ANAPC1: variants seen among roughly 807,000 people sequenced by gnomAD.
ANAPC1 encodes anaphase-promoting complex subunit 1.
ANAPC1 carries 36 observed loss-of-function variants against 208.0 expected under a neutral mutation model. The ratio of observed to expected loss-of-function variants is 0.17; its 90% CI spans 0.13 to 0.23. The LOEUF (loss-of-function observed/expected upper bound fraction) is 0.23, where lower values mean the gene tolerates loss of function less well. ANAPC1 is among the 10% of genes least tolerant of loss of function. The pLI is 1.00. For synonymous variants in ANAPC1, 378 were observed against 695.2 expected, an observed-to-expected ratio of 0.54 and a Z score of 7.18; for missense variants, 942 against 2,011.6, an observed-to-expected ratio of 0.47 and a Z score of 10.17.
At chr2:111,793,352 AGTT>A (rs1223509248) in intron 37 of ANAPC1, among the ~76,000 whole-genome samples, 2 of 150,350 alleles carry the variant, frequency 1.3e-5, no homozygotes, top group African/African-American at 4.9e-5. Context: ...CAGCCTCCCA[AGTT>A]GCTGGGACTA....
chr2:111,866,851 T>C (rs1282087193), intron 7 of ANAPC1, among the ~76,000 whole-genome samples: 2 of 148,764 alleles, frequency 1.3e-5, no homozygotes, highest in Non-Finnish European at 3.0e-5. Context: ...GGCTCTAGTA[T>C]GTTTATTCGG....
intron 17 of ANAPC1, among the ~76,000 whole-genome samples, chr2:111,841,570 G>A (rs1474668442): frequency 1.3e-5 from 2 of 152,064 alleles, no homozygotes; most frequent in Non-Finnish European, 2.9e-5. Context: ...CAGAGCTGAG[G>A]CCAATGTGGC....
Position 111,776,642 on chromosome 2 carries a change from AAATATT to A in ANAPC1, c.5584+211_5584+216del, listed in dbSNP as rs1362760415. 2.8e-5 allele frequency among the ~76,000 whole-genome samples: 2 copies of A among 70,624 alleles called. 1 individual carries two copies. The highest frequency in any genetic ancestry group is 5.9e-5 in the Non-Finnish European group (2 of 33,650). 46.3% of individuals were successfully genotyped at this position (70,624 alleles called of 152,430 possible). ...CACCAAGTGGTATTTAAAATGCTAT[AAATATT>A]ATCTGCCTGGGTCAGATGTATTTTA... is the stretch of plus-strand genomic sequence containing the variant. On this transcript the variant is annotated intron_variant, in intron 46 of 47. Transcript: ENST00000341068.
chr2:111,865,571 T>C (rs1182463462), intron 7 of ANAPC1, among the ~76,000 whole-genome samples: 1 of 152,226 alleles, frequency 6.6e-6, no homozygotes, highest in African/African-American at 2.4e-5. Context: ...ACTTTATAAA[T>C]AAAAATCATG....
intron 45 of ANAPC1, among the ~76,000 whole-genome samples, chr2:111,777,688 AT>A (rs1677063568): frequency 6.6e-6 from 1 of 151,608 alleles, no homozygotes; most frequent in Admixed American, 6.6e-5. Flanking sequence ...AAAAGGGTGG[AT>A]TCCAGACAAT....
At position 111,873,661 on chromosome 2, in the gene ANAPC1, A is replaced by G. The variant is rs2311823; in HGVS notation, c.379T>C (p.Leu127=). The G allele has an allele frequency of 6.3e-7, 1 of 1,587,352 alleles. No individual in the cohort carries two copies. Among genetic ancestry groups the G allele is most frequent in the Admixed American group, 1.9e-5 (1 of 52,066 alleles). ...FTVDSPVQQA[L]WCDFIISQDK... is the part of the protein sequence containing the mutation. ...TGTGATATAATGAAGTCACACCACAATGCCTAAAATCAAAACAAAATGCTT... is the reference window on the plus strand; with the variant it reads ...TGTGATATAATGAAGTCACACCACAGTGCCTAAAATCAAAACAAAATGCTT... The change falls in exon 4 of 48, where the codon TTG becomes CTG. Residue 127 remains leucine (L), a synonymous_variant. Transcript: ENST00000341068.
Position 111,864,939 on chromosome 2 carries a change from G to A in ANAPC1, c.698C>T (p.Ser233Leu). Residue 233 changes from serine to leucine, a missense_variant, in exon 8 of 48, where the codon TCA (serine) becomes TTA (leucine). Ser to Leu is a moderately radical substitution (Grantham distance 145, BLOSUM62 -2). Coordinates refer to ENST00000341068, the MANE Select transcript of ANAPC1 (RefSeq NM_022662.4). Reference sequence around the variant, plus strand: ...ATCTACAACATATTGCACCCGTGATGAACCAAAAAGACCTTAAAAATAAAA... The same window carrying A: ...ATCTACAACATATTGCACCCGTGATAAACCAAAAAGACCTTAAAAATAAAA... ...LVCKSGSLFG[S>L]SRVQYVVDHA... 6.2e-7 allele frequency: 1 copy of A among 1,609,140 alleles called. No homozygotes were observed.
At position 111,858,306 on chromosome 2, in the gene ANAPC1, C is replaced by T. The variant is rs753241990; in HGVS notation, c.1358G>A (p.Arg453His). 6.2e-7 allele frequency: 1 copy of T among 1,610,212 alleles called. No homozygotes were observed. Among genetic ancestry groups the T allele is most frequent in the Non-Finnish European group, 8.5e-7 (1 of 1,177,004 alleles). The change falls in exon 11 of 48, where the codon CGC becomes CAC. Residue 453 changes from arginine (R) to histidine (H), a missense_variant and splice_region_variant. Arg to His is a conservative substitution (Grantham distance 29). Coordinates refer to ENST00000341068, the MANE Select transcript of ANAPC1 (RefSeq NM_022662.4). ...AACAATGGGAAAGACATACACCTAC[C>T]GTAACTGGAGCTGGGACTCTACTAA... ...CFLVESQLQL[R>H]CVKFQESNDK... is the part of the protein sequence containing the mutation.
At chr2:111,878,184 T>A (rs760108468) in intron 3 of ANAPC1, among the ~76,000 whole-genome samples, 3 of 152,266 alleles carry the variant, frequency 2.0e-5, no homozygotes, top group Non-Finnish European at 4.4e-5. Context: ...ACAATCCTTG[T>A]TGGAATCAAT....
chr2:111,789,033 A>G (rs1428533038), intron 38 of ANAPC1, among the ~76,000 whole-genome samples: 4 of 152,236 alleles, frequency 2.6e-5, no homozygotes, highest in Non-Finnish European at 4.4e-5. Context: ...AGCTACTTGG[A>G]AGGCTGAGGC....
chr2:111,845,049 T>C (rs1197765919), intron 16 of ANAPC1, among the ~76,000 whole-genome samples: 2 of 152,204 alleles, frequency 1.3e-5, no homozygotes, highest in African/African-American at 4.8e-5. Flanking sequence ...AGTCTCACTA[T>C]GTTGTCCAAG....
chr2:111,793,946 T>A, intron 37 of ANAPC1, 132 bp downstream of exon 37: 1 of 546,772 alleles, frequency 1.8e-6, no homozygotes. Context: ...GATGAGCTAA[T>A]GGTTCTTCAG....
chr2:111,848,986 A>G (rs981120417), intron 14 of ANAPC1, among the ~76,000 whole-genome samples: 3 of 152,272 alleles, frequency 2.0e-5, no homozygotes, highest in Non-Finnish European at 2.9e-5. Flanking sequence ...CTTAGTTACT[A>G]TCTACATGCA....
At position 111,844,844 on chromosome 2, in the gene ANAPC1, C is replaced by A. The variant is rs146341587; in HGVS notation, c.1853-1245G>T. Among the ~76,000 whole-genome samples the A allele has an allele frequency of 2.7e-3, 415 of 152,162 alleles. 11 individuals are homozygous for A. In the East Asian group the frequency reaches 0.057, roughly 21 times the overall value. ...AAGAGTTAATACCACATAATTTACA[C>A]CATTCTTTTTTTGGTAAGGGGAAAC... On this transcript the variant is annotated intron_variant, in intron 16 of 47. Transcript: ENST00000341068.
At chr2:111,828,256 T>C (rs1679943046) in intron 21 of ANAPC1, among the ~76,000 whole-genome samples, 1 of 152,116 alleles carries the variant, frequency 6.6e-6, no homozygotes, top group Non-Finnish European at 1.5e-5. Context: ...GGCTATAATT[T>C]TTAAAAAAAC....
rs1300339961 is a variant in ANAPC1 at position 111,863,480 on chromosome 2, C to T, written c.1052+195G>A. Among the ~76,000 whole-genome samples the T allele has an allele frequency of 2.0e-5, 3 of 146,894 alleles. No homozygotes were observed. The East Asian group carries it at 5.9e-4, about 29-fold the overall frequency. On this transcript the variant is annotated intron_variant, in intron 9 of 47. Transcript: ENST00000341068. ...TGAGTCAAGATTGCGCCACTGCACA[C>T]CAGCCTGGGTGACACAGCAAGACTC...
intron 13 of ANAPC1, among the ~76,000 whole-genome samples, chr2:111,855,201 T>C (rs1359731153): frequency 6.6e-6 from 1 of 152,186 alleles, no homozygotes; most frequent in African/African-American, 2.4e-5. Context: ...AAAACATTTA[T>C]CAATTAAGTT....
chr2:111,816,976 T>G (rs909974814), intron 27 of ANAPC1, among the ~76,000 whole-genome samples: 6 of 88,106 alleles, frequency 6.8e-5, no homozygotes, highest in African/African-American at 2.6e-4. Context: ...GTGACCTTTC[T>G]GAAACATTCA....
intron 13 of ANAPC1, among the ~76,000 whole-genome samples, chr2:111,855,186 C>T (rs924702227): frequency 1.3e-5 from 2 of 152,062 alleles, no homozygotes; most frequent in African/African-American, 4.8e-5. Context: ...TCAGACAGAC[C>T]ACACAAAACA....
Sources: allele counts gnomAD v4.1 joint callset (sites outside exome capture counted in the v4.1 genomes callset), GRCh38; gene constraint gnomAD v4.1.1; transcripts MANE v1.5; gene names NCBI Gene and HGNC (gene_info 2026-07-23, HGNC 2026-07-21).